YPEL1: variants seen among roughly 807,000 people sequenced by gnomAD.
The protein encoded by YPEL1 is yippee like 1, also known as protein yippee-like 1.
Under a neutral mutation model 17.3 loss-of-function variants are expected in YPEL1, and 7 were observed. That is an observed-to-expected ratio of 0.40 (90% CI 0.23 to 0.76). YPEL1 has a LOEUF of 0.76. YPEL1 is among the 30% of genes least tolerant of loss of function. YPEL1 has a pLI of 0.35. For missense variants in YPEL1, 91 were observed against 155.5 expected (o/e 0.59, Z 2.21); for synonymous variants, 59 against 59.6 (o/e 0.99, Z 0.05).
At chr22:21,722,512 G>A (rs1252054091) in intron 1 of YPEL1, among the ~76,000 whole-genome samples, 1 of 152,048 alleles carries the variant, frequency 6.6e-6, no homozygotes, top group Non-Finnish European at 1.5e-5. Flanking sequence ...GCTACTTCAG[G>A]GGGCTGAGCC....
chr22:21,710,409 C>G (rs1190825185), intron 2 of YPEL1: 11 of 574,572 alleles, frequency 1.9e-5, no homozygotes, highest in African/African-American at 1.3e-4. Flanking sequence ...CTGCCTGGCC[C>G]TGGAAAACCG....
chr22:21,720,345 C>T (rs1877802279), intron 1 of YPEL1, among the ~76,000 whole-genome samples: 1 of 151,988 alleles, frequency 6.6e-6, no homozygotes, highest in African/African-American at 2.4e-5. Context: ...GCTGACACTA[C>T]AGGCCCATGC....
chr22:21,709,748 T>A (rs1378575073), intron 2 of YPEL1, among the ~76,000 whole-genome samples: 2 of 150,944 alleles, frequency 1.3e-5, no homozygotes, highest in Admixed American at 1.3e-4. Flanking sequence ...GACCTGAGGA[T>A]GGGGGGAGGT....
At chr22:21,702,999 A>C (rs1336870341) in intron 4 of YPEL1, among the ~76,000 whole-genome samples, 1 of 152,150 alleles carries the variant, frequency 6.6e-6, no homozygotes, top group African/African-American at 2.4e-5. Flanking sequence ...GGTCTTCTAG[A>C]CTTGTCCCTG....
chr22:21,701,229 A>T lies in YPEL1; in HGVS notation c.271-11T>A, dbSNP rs1311816360. ...CTCAAAGGCATGCTCCTTGAAAAAGAAGAGACAAAGGTTTCAGGACAGAAG... is the reference window on the plus strand; with the variant it reads ...CTCAAAGGCATGCTCCTTGAAAAAGTAGAGACAAAGGTTTCAGGACAGAAG... On this transcript the variant is annotated splice_polypyrimidine_tract_variant and intron_variant, in intron 4 of 4. Transcript: ENST00000339468. 1 of 1,608,286 alleles carries T rather than the reference A, an allele frequency of 6.2e-7. No individual in the cohort carries two copies. Among genetic ancestry groups the T allele is most frequent in the Admixed American group, 1.7e-5 (1 of 59,898 alleles).
intron 1 of YPEL1, among the ~76,000 whole-genome samples, chr22:21,730,722 G>A (rs1569067144): frequency 6.6e-6 from 1 of 152,166 alleles, no homozygotes. Context: ...TGCAGCCTAG[G>A]TGCACAATGG....
chr22:21,734,016 A>ACCAGCCTGGGAAACATTAAGTG (rs2068413464), intron 1 of YPEL1, among the ~76,000 whole-genome samples: 1 of 152,138 alleles, frequency 6.6e-6, no homozygotes, highest in African/African-American at 2.4e-5. Context: ...GGAGTTCAAG[A>ACCAGCCTGGGAAACATTAAGTG]CCAGCCTGGG....
chr22:21,703,705 T>TC lies in YPEL1; in HGVS notation c.161+133dup. 2 of 685,824 alleles carry TC rather than the reference T, an allele frequency of 2.9e-6. No homozygotes were observed. The highest frequency in any genetic ancestry group is 4.6e-6 in the Non-Finnish European group (2 of 438,014). 42.5% of individuals were successfully genotyped at this position (685,824 alleles called of 1,614,324 possible). On this transcript the variant is annotated intron_variant, in intron 3 of 4. Coordinates refer to ENST00000339468, the MANE Select transcript of YPEL1 (RefSeq NM_013313.5). The surrounding 1 kb of genome is among the most constrained non-coding windows in gnomAD (Gnocchi z 6.1). ...AAGATCCTTAGCGCGTTTCAGAAAC[T>TC]CCCGGCGGGGGGATGGTGGGTTCTT... is the stretch of plus-strand genomic sequence containing the variant.
chr22:21,703,931 G>C lies in YPEL1; in HGVS notation c.118-49C>G. The C allele has an allele frequency of 6.4e-7, 1 of 1,557,304 alleles. No homozygotes were observed. The highest frequency in any genetic ancestry group is 1.2e-5 in the South Asian group (1 of 84,520). On this transcript the variant is annotated intron_variant, in intron 2 of 4. Coordinates refer to ENST00000339468, the MANE Select transcript of YPEL1 (RefSeq NM_013313.5). The surrounding 1 kb of genome is among the most constrained non-coding windows in gnomAD (Gnocchi z 6.1). ...ATTGGCTGCGAGTGCTTTCTGGAAC[G>C]AAGCGGTGCTGCCCAGAACCAGGGG... is the stretch of plus-strand genomic sequence containing the variant.
At chr22:21,713,576 AG>A (rs897397015) in intron 1 of YPEL1, among the ~76,000 whole-genome samples, 2 of 152,328 alleles carry the variant, frequency 1.3e-5, no homozygotes, top group Admixed American at 1.3e-4. Context: ...AAGAGCTGCC[AG>A]GGGCAGGGGA....
At chr22:21,713,089 C>A (rs944558684) in intron 1 of YPEL1, among the ~76,000 whole-genome samples, 9 of 152,180 alleles carry the variant, frequency 5.9e-5, no homozygotes, top group African/African-American at 2.2e-4. Flanking sequence ...AGGACGGCTA[C>A]TATCAACGCG....
At chr22:21,734,993 T>C (rs1389002303) in intron 1 of YPEL1, among the ~76,000 whole-genome samples, 1 of 152,186 alleles carries the variant, frequency 6.6e-6, no homozygotes, top group Non-Finnish European at 1.5e-5. Flanking sequence ...CTGCCTAAAA[T>C]AGAATCTCAG....
At chr22:21,712,493 G>A (rs1214764371) in intron 1 of YPEL1, among the ~76,000 whole-genome samples, 1 of 77,138 alleles carries the variant, frequency 1.3e-5, no homozygotes, top group African/African-American at 3.2e-5. Context: ...ATGGGAGGCC[G>A]AAGAAGGTGG....
Position 21,703,823 on chromosome 22 carries a change from G to C in YPEL1, c.161+16C>G. 1.2e-6 allele frequency: 2 copies of C among 1,608,502 alleles called. No homozygotes were observed. Among genetic ancestry groups the C allele is most frequent in the Non-Finnish European group, 1.7e-6 (2 of 1,177,490 alleles). On this transcript the variant is annotated intron_variant, in intron 3 of 4. Transcript: ENST00000339468. This position sits in a 1 kb window ranked among gnomAD's most constrained non-coding sequence, Gnocchi z 6.1. ...GGGCCCGTGCCGCTCCCCCCGGGCT[G>C]AACCAGGGTACTCACACGGAATTGA...
intron 1 of YPEL1, among the ~76,000 whole-genome samples, chr22:21,721,159 T>G (rs1221352217): frequency 6.6e-6 from 1 of 151,722 alleles, no homozygotes; most frequent in Non-Finnish European, 1.5e-5. Flanking sequence ...AGTCTCGCAC[T>G]GTTGCCCAGG....
Position 21,700,177 on chromosome 22 carries a change from A to C in YPEL1, c.*952T>G, listed in dbSNP as rs1288201841. ...GGTTCATTTGCAAGAGGAATAGCCA[A>C]TTTGAAGTTCTGCAAATTTAAGAAA... On this transcript the variant is annotated 3_prime_UTR_variant, in exon 5 of 5. Coordinates refer to ENST00000339468, the MANE Select transcript of YPEL1 (RefSeq NM_013313.5). 1 of 152,366 alleles carries C rather than the reference A, an allele frequency of 6.6e-6. No homozygotes were observed. The highest frequency in any genetic ancestry group is 1.5e-5 in the Non-Finnish European group (1 of 68,040). 9.4% of individuals were successfully genotyped at this position (152,366 alleles called of 1,614,324 possible). A position where few individuals can be genotyped will look rare whatever the true frequency, so the allele number is the denominator to read the frequency against.
chr22:21,726,431 G>A (rs372957120), intron 1 of YPEL1, among the ~76,000 whole-genome samples: 6 of 152,182 alleles, frequency 3.9e-5, no homozygotes, highest in African/African-American at 7.2e-5. Flanking sequence ...ATCCCTGCCC[G>A]CTAGCGGCCA....
At chr22:21,717,376 C>CA (rs751720152) in intron 1 of YPEL1, among the ~76,000 whole-genome samples, 4,720 of 60,804 alleles carry the variant, frequency 0.078, 132 homozygotes, top group African/African-American at 0.14. Context: ...TAGTCCGTCT[C>CA]AAAAAAAAAA....
At chr22:21,725,563 T>G (rs1372213328) in intron 1 of YPEL1, among the ~76,000 whole-genome samples, 2 of 152,028 alleles carry the variant, frequency 1.3e-5, no homozygotes. Context: ...CTTGGGTGGT[T>G]TTATTAAATC....
Sources: allele counts gnomAD v4.1 joint callset (sites outside exome capture counted in the v4.1 genomes callset), GRCh38; gene constraint gnomAD v4.1.1; non-coding constraint Gnocchi (gnomAD v3.1); transcripts MANE v1.5; gene names NCBI Gene and HGNC (gene_info 2026-07-23, HGNC 2026-07-21).